The following STYXL1 variants were observed in gnomAD, a reference collection of about 807,000 sequenced individuals.
STYXL1 encodes serine/threonine/tyrosine interacting like 1.
Under a neutral mutation model 36.4 loss-of-function variants are expected in STYXL1, and 32 were observed. The observed-to-expected ratio is 0.88, with a 90% confidence interval of 0.66 to 1.18. The LOEUF is 1.18. Among genes scored for constraint, STYXL1 ranks in the 50% most tolerant of loss-of-function variants. The pLI, the probability that STYXL1 is intolerant of heterozygous loss-of-function variation, is 0.00. For synonymous variants in STYXL1, 133 were observed against 144.1 expected, an observed-to-expected ratio of 0.92 and a Z score of 0.55; for missense variants, 354 against 394.1, an observed-to-expected ratio of 0.90 and a Z score of 0.86.
chr7:76,025,737 C>T (rs1794622315), intron 3 of STYXL1, among the ~76,000 whole-genome samples: 1 of 151,644 alleles, frequency 6.6e-6, no homozygotes, highest in South Asian at 2.1e-4. Flanking sequence ...TTGCAGTGAG[C>T]TGAGATTGTA....
intron 3 of STYXL1, among the ~76,000 whole-genome samples, chr7:76,022,767 G>T (rs142644669): frequency 2.2e-4 from 34 of 151,938 alleles, no homozygotes; most frequent in African/African-American, 8.2e-4. Context: ...AGATAGACTA[G>T]AAGATCAAAT....
intron 6 of STYXL1, among the ~76,000 whole-genome samples, chr7:76,004,515 G>A (rs1360762427): frequency 8.6e-5 from 13 of 151,170 alleles, no homozygotes; most frequent in African/African-American, 2.7e-4. Context: ...ACCAGCCCAG[G>A]CAACATTTTG....
intron 5 of STYXL1, among the ~76,000 whole-genome samples, chr7:76,007,560 CTG>C: frequency 6.6e-6 from 1 of 152,280 alleles, no homozygotes; most frequent in African/African-American, 2.4e-5. Flanking sequence ...TACTGGACAA[CTG>C]TACAAACGGA....
intron 3 of STYXL1, among the ~76,000 whole-genome samples, chr7:76,027,346 G>A (rs1435600724): frequency 6.6e-6 from 1 of 151,476 alleles, no homozygotes; most frequent in Non-Finnish European, 1.5e-5. Flanking sequence ...GGATGGGAAG[G>A]AAAAAAGGGA....
intron 5 of STYXL1, among the ~76,000 whole-genome samples, chr7:76,012,439 G>C (rs1410382174): frequency 1.3e-5 from 2 of 152,106 alleles, no homozygotes; most frequent in South Asian, 2.1e-4. Context: ...TGTCACACAG[G>C]CTGGAGTGCA....
Position 76,028,630 on chromosome 7 carries a change from C to T in STYXL1, c.165+12G>A. On this transcript the variant is annotated intron_variant, in intron 3 of 8. Transcript: ENST00000359697. ...AGCCAGCCTGCCCCAGATCCTGACG[C>T]TGCCCATGTACCTTCTTCACTCGAA... 2.5e-6 allele frequency: 4 copies of T among 1,613,590 alleles called. No homozygotes were observed. Among genetic ancestry groups the T allele is most frequent in the Non-Finnish European group, 1.7e-6 (2 of 1,179,702 alleles).
rs56000336 is a variant in STYXL1, at chr7:75,999,556, T to TATA, written c.810+1333_810+1334insTAT. 3.8e-3 allele frequency among the ~76,000 whole-genome samples: 557 copies of TATA among 146,044 alleles called. 8 individuals carry two copies. Among genetic ancestry groups the TATA allele is most frequent in the South Asian group, 9.3e-3 (43 of 4,630 alleles). On this transcript the variant is annotated intron_variant, in intron 8 of 8. Coordinates refer to ENST00000359697, the MANE Select transcript of STYXL1 (RefSeq NM_001317785.2). ...GTGTGTGTGTGTGTGTGTGTGTATA[T>TATA]TTTTTTTTGAGACAGAGTTTCGCTC...
chr7:76,028,458 T>C (rs1794964631), intron 3 of STYXL1, among the ~76,000 whole-genome samples, 184 bp downstream of exon 3: 1 of 152,182 alleles, frequency 6.6e-6, no homozygotes, highest in Non-Finnish European at 1.5e-5. Context: ...TTGACCATTC[T>C]TGGGGGATGG....
At chr7:76,020,013 GAA>G (rs1281940932) in intron 4 of STYXL1, among the ~76,000 whole-genome samples, 1 of 151,884 alleles carries the variant, frequency 6.6e-6, no homozygotes, top group African/African-American at 2.4e-5. Flanking sequence ...TCATTGACCT[GAA>G]AGATGCCATT....
intron 4 of STYXL1, 79 bp downstream of exon 4, chr7:76,021,772 A>T (rs1585262148): frequency 1.9e-6 from 2 of 1,047,794 alleles, no homozygotes; most frequent in East Asian, 2.4e-5. Context: ...TGCCATGGGC[A>T]TATGAACCTG....
intron 7 of STYXL1, among the ~76,000 whole-genome samples, chr7:76,003,260 A>AC (rs1444845884): frequency 3.9e-5 from 6 of 152,238 alleles, no homozygotes; most frequent in African/African-American, 1.2e-4. Flanking sequence ...ACATAGCAAG[A>AC]CCCCAACTCC....
At chr7:76,011,556 G>A (rs375302617) in intron 5 of STYXL1, among the ~76,000 whole-genome samples, 1 of 152,312 alleles carries the variant, frequency 6.6e-6, no homozygotes, top group Non-Finnish European at 1.5e-5. Flanking sequence ...ATCTGCTCAC[G>A]ATGTTGCTAA....
chr7:76,020,021 C>A (rs1355736489), intron 4 of STYXL1, among the ~76,000 whole-genome samples: 2 of 151,708 alleles, frequency 1.3e-5, no homozygotes, highest in Non-Finnish European at 2.9e-5. Flanking sequence ...CTGAAAGATG[C>A]CATTTGAAAC....
At chr7:76,004,618 T>C (rs1791418817) in intron 6 of STYXL1, among the ~76,000 whole-genome samples, 1 of 151,806 alleles carries the variant, frequency 6.6e-6, no homozygotes, top group African/African-American at 2.4e-5. Context: ...GGCAGGAGAA[T>C]CACTTAACCC....
At chr7:76,036,782 C>CT (rs71082378) in intron 1 of STYXL1, among the ~76,000 whole-genome samples, 57,329 of 101,584 alleles carry the variant, frequency 0.56, 20,871 homozygotes, top group Non-Finnish European at 0.75. Context: ...CAGTATAGCT[C>CT]TTTTTTTTTT....
intron 4 of STYXL1, among the ~76,000 whole-genome samples, chr7:76,021,080 AT>A (rs200072611): frequency 7.3e-4 from 105 of 144,824 alleles, no homozygotes; most frequent in East Asian, 1.0e-3. Flanking sequence ...TGTTACAAGA[AT>A]TTTTTTTTTT....
At chr7:76,036,782 CTTT>C (rs71082378) in intron 1 of STYXL1, among the ~76,000 whole-genome samples, 2 of 101,604 alleles carry the variant, frequency 2.0e-5, no homozygotes, top group African/African-American at 3.5e-5. Context: ...CAGTATAGCT[CTTT>C]TTTTTTTTTT....
At chr7:76,028,826 T>A in intron 2 of STYXL1, 123 bp from the exon 3 acceptor site, 2 of 911,078 alleles carry the variant, frequency 2.2e-6, no homozygotes, top group Non-Finnish European at 3.5e-6. Flanking sequence ...ATTGTCAGTT[T>A]AAAACTTGAG....
At chr7:76,000,862 G>A (rs1790813197) in intron 8 of STYXL1, 28 bp downstream of exon 8, 2 of 1,598,886 alleles carry the variant, frequency 1.3e-6, no homozygotes, top group East Asian at 4.5e-5. Context: ...GGTGGCCGTG[G>A]TGCGAGCCTG....
Sources: allele counts gnomAD v4.1 joint callset (sites outside exome capture counted in the v4.1 genomes callset), GRCh38; gene constraint gnomAD v4.1.1; transcripts MANE v1.5; gene names NCBI Gene and HGNC (gene_info 2026-07-23, HGNC 2026-07-21).